Variants in FBXL7 observed in about 807,000 individuals in gnomAD.
FBXL7 encodes F-box/LRR-repeat protein 7.
In FBXL7, 12 loss-of-function variants were observed where a neutral mutation model predicts 38.3. The observed-to-expected ratio is 0.31, with a 90% CI of 0.20 to 0.51. The LOEUF (loss-of-function observed/expected upper bound fraction) is 0.51, where lower values mean the gene tolerates loss of function less well. Ranked by LOEUF, FBXL7 falls within the 20% of genes least tolerant of loss-of-function variation. FBXL7 has a pLI of 0.98. For synonymous variants in FBXL7, 297 were observed against 300.9 expected, an observed-to-expected ratio of 0.99 and a Z score of 0.13; for missense variants, 567 against 676.4, an observed-to-expected ratio of 0.84 and a Z score of 1.79.
intron 1 of FBXL7, among the ~76,000 whole-genome samples, chr5:15,578,782 T>C (rs538794603): frequency 1.2e-4 from 19 of 152,344 alleles, no homozygotes; most frequent in African/African-American, 4.1e-4. Context: ...AAACTTCTCC[T>C]GTCTCATCCC....
At chr5:15,703,683 A>G (rs1312310969) in intron 2 of FBXL7, among the ~76,000 whole-genome samples, 2 of 152,192 alleles carry the variant, frequency 1.3e-5, no homozygotes, top group Non-Finnish European at 2.9e-5. Context: ...GTTTTGGTAG[A>G]GTGAAGGCTG....
At chr5:15,523,237 A>G (rs1183482333) in intron 1 of FBXL7, among the ~76,000 whole-genome samples, 1 of 152,180 alleles carries the variant, frequency 6.6e-6, no homozygotes, top group Non-Finnish European at 1.5e-5. Flanking sequence ...AGACCATAGA[A>G]ATACAGTAAA....
intron 2 of FBXL7, among the ~76,000 whole-genome samples, chr5:15,886,531 C>A (rs532868354): frequency 3.9e-5 from 6 of 152,268 alleles, no homozygotes; most frequent in Admixed American, 6.5e-5. Flanking sequence ...ATGTATGTTG[C>A]TTAGTGCATC....
At chr5:15,877,890 G>A (rs1318206760) in intron 2 of FBXL7, among the ~76,000 whole-genome samples, 1 of 152,054 alleles carries the variant, frequency 6.6e-6, no homozygotes, top group Non-Finnish European at 1.5e-5. Context: ...TTCCACACTT[G>A]TTCGTGTTCA....
At chr5:15,791,854 T>C (rs181622713) in intron 2 of FBXL7, among the ~76,000 whole-genome samples, 2 of 152,126 alleles carry the variant, frequency 1.3e-5, no homozygotes, top group African/African-American at 4.8e-5. Context: ...CTTAGTAGTA[T>C]ATATTAATGT....
At chr5:15,912,876 T>TTC (rs1741475157) in intron 2 of FBXL7, among the ~76,000 whole-genome samples, 1 of 152,090 alleles carries the variant, frequency 6.6e-6, no homozygotes, top group African/African-American at 2.4e-5. Flanking sequence ...ACTTAGACTG[T>TTC]AGTAGGCCCA....
chr5:15,508,437 T>G lies in FBXL7; in HGVS notation c.37+7724T>G, dbSNP rs79722696. Reference sequence around the variant, plus strand: ...AAGAATATACATAAGTTACAAGAAGTTATATTTGGCTCAGTCTAAGGAAGA... The same window carrying G: ...AAGAATATACATAAGTTACAAGAAGGTATATTTGGCTCAGTCTAAGGAAGA... On this transcript the variant is annotated intron_variant, in intron 1 of 3. Transcript: ENST00000504595. Among the ~76,000 whole-genome samples, 939 of 152,300 alleles carry G rather than the reference T, an allele frequency of 6.2e-3. 11 individuals carry two copies. Among genetic ancestry groups the G allele is most frequent in the African/African-American group, 0.021 (886 of 41,570 alleles).
chr5:15,800,955 G>A (rs1579473920), intron 2 of FBXL7, among the ~76,000 whole-genome samples: 3 of 152,092 alleles, frequency 2.0e-5, no homozygotes, highest in Admixed American at 6.6e-5. Flanking sequence ...TAACCAATAG[G>A]GTTCATGTGG....
intron 2 of FBXL7, among the ~76,000 whole-genome samples, chr5:15,860,284 T>G (rs1003643364): frequency 2.0e-5 from 3 of 152,210 alleles, no homozygotes; most frequent in Admixed American, 2.0e-4. Context: ...TTACCTAAAT[T>G]TATTAAGTAT....
chr5:15,725,574 G>A (rs1301024896), intron 2 of FBXL7, among the ~76,000 whole-genome samples: 1 of 152,138 alleles, frequency 6.6e-6, no homozygotes, highest in Admixed American at 6.5e-5. Flanking sequence ...GGTCTGTCCT[G>A]CAAAATGTCC....
intron 2 of FBXL7, among the ~76,000 whole-genome samples, chr5:15,911,484 G>T (rs1397409046): frequency 2.2e-5 from 3 of 135,628 alleles, no homozygotes; most frequent in Non-Finnish European, 3.0e-5. Context: ...CCTCCCGTAG[G>T]TCAGAGTAAT....
intron 2 of FBXL7, among the ~76,000 whole-genome samples, chr5:15,897,109 G>C (rs1741121470): frequency 6.6e-6 from 1 of 152,186 alleles, no homozygotes; most frequent in Non-Finnish European, 1.5e-5. Context: ...CTCCAGCCTG[G>C]GTGATGGAGT....
intron 2 of FBXL7, among the ~76,000 whole-genome samples, chr5:15,880,773 C>T (rs1740419504): frequency 6.8e-6 from 1 of 146,090 alleles, no homozygotes; most frequent in Non-Finnish European, 1.5e-5. Flanking sequence ...AAATTCAATT[C>T]CTGTAAGCCA....
At chr5:15,579,143 G>A (rs1739061303) in intron 1 of FBXL7, among the ~76,000 whole-genome samples, 1 of 152,184 alleles carries the variant, frequency 6.6e-6, no homozygotes, top group Admixed American at 6.5e-5. Flanking sequence ...CAGGTGGGAG[G>A]TTGACAAGGT....
chr5:15,769,077 G>T (rs1161763789), intron 2 of FBXL7, among the ~76,000 whole-genome samples: 1 of 152,138 alleles, frequency 6.6e-6, no homozygotes, highest in Non-Finnish European at 1.5e-5. Flanking sequence ...GGGCATAGAG[G>T]CACGGAGGCT....
chr5:15,845,788 G>T (rs1490663194), intron 2 of FBXL7, among the ~76,000 whole-genome samples: 1 of 152,034 alleles, frequency 6.6e-6, no homozygotes, highest in South Asian at 2.1e-4. Flanking sequence ...TGGCTAACAC[G>T]GTGAAACCCC....
At chr5:15,766,814 A>G (rs1191587470) in intron 2 of FBXL7, among the ~76,000 whole-genome samples, 2 of 152,216 alleles carry the variant, frequency 1.3e-5, no homozygotes, top group African/African-American at 4.8e-5. Context: ...AAGCTTTCTA[A>G]TCATTAGACT....
At chr5:15,768,776 T>C (rs554937767) in intron 2 of FBXL7, among the ~76,000 whole-genome samples, 11 of 152,292 alleles carry the variant, frequency 7.2e-5, no homozygotes, top group African/African-American at 2.6e-4. Context: ...TGCCTCCCTG[T>C]GCACAGTGGC....
chr5:15,815,604 A>G (rs1007500396), intron 2 of FBXL7, among the ~76,000 whole-genome samples: 8 of 152,204 alleles, frequency 5.3e-5, no homozygotes, highest in Non-Finnish European at 1.5e-5. Context: ...CAATCAAGAT[A>G]CTTGACTATT....
Sources: gnomAD v4.1 joint callset for allele counts (sites outside exome capture counted in the v4.1 genomes callset) on GRCh38, gnomAD v4.1.1 for gene constraint, MANE v1.5 for transcripts, NCBI Gene and HGNC (gene_info 2026-07-23, HGNC 2026-07-21) for gene names.